The following DDX1 variants were observed in gnomAD, a reference collection of about 807,000 sequenced individuals.
DDX1 encodes the protein DEAD-box helicase 1.
In DDX1, 28 loss-of-function variants were observed where a neutral mutation model predicts 108.7. The ratio of observed to expected loss-of-function variants is 0.26; its 90% confidence interval spans 0.19 to 0.35. The LOEUF is 0.35. Among genes scored for constraint, DDX1 ranks in the 10% least tolerant of loss-of-function variants. The pLI, the probability that DDX1 is intolerant of heterozygous loss-of-function variation, is 1.00. For synonymous variants in DDX1, 295 were observed against 288.9 expected (o/e 1.02, Z -0.21); for missense variants, 710 against 884.5 (o/e 0.80, Z 2.50).
rs188302197 is a variant in DDX1 at position 15,621,028 on chromosome 2, A to T, written c.1396-37A>T. The T allele has an allele frequency of 1.6e-5, 22 of 1,351,834 alleles. No homozygotes were observed. The African/African-American group carries it at 3.1e-4, about 19-fold the overall frequency. 83.7% of individuals were successfully genotyped at this position (1,351,834 alleles called of 1,614,324 possible). On this transcript the variant is annotated intron_variant, in intron 17 of 25. Coordinates refer to ENST00000233084, the MANE Select transcript of DDX1 (RefSeq NM_004939.3). ...ATATATTCTGAATCATTATTTAACC[A>T]CTCCTCTATCCTGTTTTTATTCCTT...
In DDX1 at chr2:15,605,935, CTCT is replaced by C. The variant is rs753299423; in HGVS notation, c.626-13_626-11del. 1 of 1,526,864 alleles carries C rather than the reference CTCT, an allele frequency of 6.5e-7. No individual in the cohort carries two copies. Among genetic ancestry groups the C allele is most frequent in the Non-Finnish European group, 8.8e-7 (1 of 1,135,972 alleles). 94.6% of individuals were successfully genotyped at this position (1,526,864 alleles called of 1,614,324 possible). A position where few individuals can be genotyped will look rare whatever the true frequency, so the allele number is the denominator to read the frequency against. On this transcript the variant is annotated splice_polypyrimidine_tract_variant and intron_variant, in intron 10 of 25. Transcript: ENST00000233084. ...TCTGATTGTTTTAATCTCTCTCTCTCTCTTGTTTTTTAAGGAAAAGATCTTGGT... is the reference window on the plus strand; with the variant it reads ...TCTGATTGTTTTAATCTCTCTCTCTCTGTTTTTTAAGGAAAAGATCTTGGT...
chr2:15,603,548 T>C (rs978775434), intron 8 of DDX1, among the ~76,000 whole-genome samples: 3 of 152,226 alleles, frequency 2.0e-5, no homozygotes, highest in Non-Finnish European at 4.4e-5. Context: ...CAGTACCATA[T>C]AGATGCTTCA....
intron 3 of DDX1, among the ~76,000 whole-genome samples, chr2:15,596,455 ATGT>A (rs1665500048): frequency 6.6e-6 from 1 of 152,138 alleles, no homozygotes; most frequent in African/African-American, 2.4e-5. Context: ...CTGGGATTAG[ATGT>A]TGTTCGGATA....
intron 13 of DDX1, among the ~76,000 whole-genome samples, chr2:15,612,960 C>T (rs1665802863): frequency 1.3e-5 from 2 of 150,320 alleles, no homozygotes; most frequent in South Asian, 2.2e-4. Flanking sequence ...GGCAGCAGTA[C>T]AGTCCAGCTT....
intron 13 of DDX1, among the ~76,000 whole-genome samples, chr2:15,612,088 C>G (rs7572161): frequency 0.22 from 24,865 of 111,368 alleles, 3,766 homozygotes; most frequent in African/African-American, 0.42. Context: ...GCTGGCGGGG[C>G]CTGACCCCCC....
chr2:15,609,968 C>T (rs1161873878), intron 13 of DDX1, among the ~76,000 whole-genome samples: 1 of 152,188 alleles, frequency 6.6e-6, no homozygotes, highest in African/African-American at 2.4e-5. Flanking sequence ...TGAGGTCTCA[C>T]TCTGTCACCT....
At chr2:15,599,314 T>C (rs200108631) in intron 5 of DDX1, 36,305 of 152,530 alleles carry the variant, frequency 0.24, 5,301 homozygotes, top group African/African-American at 0.42. Flanking sequence ...TTTATTTATT[T>C]ATTTATTTTT....
Position 15,599,839 on chromosome 2 carries a change from C to A in DDX1, c.307+123C>A, listed in dbSNP as rs1665560973. ...CCAGATATTAGAATTTAGTCACTAT[C>A]ATTAAACAGTATAGAACTGACATAG... On this transcript the variant is annotated intron_variant, in intron 6 of 25. Transcript: ENST00000233084. 5 of 682,600 alleles carry A rather than the reference C, an allele frequency of 7.3e-6. No homozygotes were observed. In the South Asian group the frequency reaches 8.0e-5, roughly 11 times the overall value. The allele number at this position is 682,600 out of a possible 1,614,324, so 42.3% of individuals were successfully genotyped here. A position where few individuals can be genotyped will look rare whatever the true frequency, so the allele number is the denominator to read the frequency against.
At chr2:15,604,607 C>A in intron 10 of DDX1, 98 bp downstream of exon 10, 2 of 777,630 alleles carry the variant, frequency 2.6e-6, no homozygotes, top group Non-Finnish European at 4.5e-6. Flanking sequence ...ATCCCCGTCC[C>A]TCCCTCCCTG....
intron 2 of DDX1, 92 bp from the exon 3 acceptor site, chr2:15,595,397 TA>T: frequency 9.1e-7 from 1 of 1,096,646 alleles, no homozygotes; most frequent in Non-Finnish European, 1.4e-6. Flanking sequence ...ATTTACCACG[TA>T]AAATTTTCTT....
chr2:15,623,367 A>T (rs1240185059), intron 18 of DDX1, 69 bp from the exon 19 acceptor site: 3 of 1,485,558 alleles, frequency 2.0e-6, no homozygotes, highest in Non-Finnish European at 2.8e-6. Context: ...CTGTGACTAT[A>T]ATTATGTGTA....
In DDX1 at chr2:15,611,212, G is replaced by T. The variant is rs569900515; in HGVS notation, c.957-2012G>T. On this transcript the variant is annotated intron_variant, in intron 13 of 25. Coordinates refer to ENST00000233084, the MANE Select transcript of DDX1 (RefSeq NM_004939.3). ...GCACAGGGTTGGGGGTAAGGTCACA[G>T]ATCAACAGGATCCCAAGGCAGAAGA... Among the ~76,000 whole-genome samples, 6 of 150,590 alleles carry T rather than the reference G, an allele frequency of 4.0e-5. No individual in the cohort carries two copies. In the East Asian group the frequency reaches 1.2e-3, roughly 29 times the overall value.
intron 19 of DDX1, among the ~76,000 whole-genome samples, chr2:15,624,053 A>G (rs190990068): frequency 6.2e-4 from 95 of 152,336 alleles, no homozygotes; most frequent in Non-Finnish European, 9.6e-4. Context: ...TAAACACTGT[A>G]AGTATCAGTG....
chr2:15,598,835 C>T (rs57349592), intron 5 of DDX1, among the ~76,000 whole-genome samples: 36,508 of 151,976 alleles, frequency 0.24, 5,395 homozygotes, highest in African/African-American at 0.42. Context: ...AACAAACTAT[C>T]AAGATGTGTC....
intron 14 of DDX1, 35 bp from the exon 15 acceptor site, chr2:15,617,209 A>C: frequency 8.9e-7 from 1 of 1,126,396 alleles, no homozygotes; most frequent in Non-Finnish European, 1.3e-6. Context: ...CTGTTTCTTT[A>C]GTTTTCATTA....
chr2:15,610,287 C>G (rs1308137544), intron 13 of DDX1, among the ~76,000 whole-genome samples: 3 of 152,158 alleles, frequency 2.0e-5, no homozygotes, highest in Admixed American at 6.5e-5. Flanking sequence ...TCCAATTTAT[C>G]TGTTTTTCTC....
In DDX1 at chr2:15,595,127, A is replaced by T; in HGVS notation, c.17-18A>T. 1 of 1,596,538 alleles carries T rather than the reference A, an allele frequency of 6.3e-7. No individual in the cohort carries two copies. Among genetic ancestry groups the T allele is most frequent in the Non-Finnish European group, 8.5e-7 (1 of 1,170,512 alleles). On this transcript the variant is annotated intron_variant, in intron 1 of 25. Transcript: ENST00000233084. ...CATTTCAGTTTATGTGGTTTTTAAA[A>T]TTAATTTTTACTTTCAGAGATGGGT... is the stretch of plus-strand genomic sequence containing the variant.
chr2:15,619,234 G>C (rs1423424886), intron 16 of DDX1, among the ~76,000 whole-genome samples: 1 of 152,232 alleles, frequency 6.6e-6, no homozygotes, highest in African/African-American at 2.4e-5. Flanking sequence ...TCCCAGGGCA[G>C]TGGGCTCCAG....
intron 13 of DDX1, among the ~76,000 whole-genome samples, chr2:15,610,823 G>A (rs963990757): frequency 2.1e-4 from 19 of 89,608 alleles, no homozygotes; most frequent in African/African-American, 1.3e-3. Context: ...ATACAGCTAC[G>A]GGGATTTAAC....
Sources: gnomAD v4.1 joint callset for allele counts (sites outside exome capture counted in the v4.1 genomes callset) on GRCh38, gnomAD v4.1.1 for gene constraint, MANE v1.5 for transcripts, NCBI Gene and HGNC (gene_info 2026-07-23, HGNC 2026-07-21) for gene names.